Variants in THRAP3 observed in about 807,000 individuals in gnomAD.
THRAP3 encodes the protein thyroid hormone receptor-associated protein 3.
THRAP3 carries 16 observed loss-of-function variants against 101.0 expected under a neutral mutation model. That is an observed-to-expected ratio of 0.16 (90% CI 0.11 to 0.24). THRAP3 has a LOEUF of 0.24. Among genes scored for constraint, THRAP3 ranks in the 10% least tolerant of loss-of-function variants. The pLI is 1.00. For missense variants in THRAP3, 989 were observed against 1,202.7 expected (o/e 0.82, Z 2.63); for synonymous variants, 407 against 422.6 (o/e 0.96, Z 0.45).
intron 9 of THRAP3, 120 bp downstream of exon 9, chr1:36,296,890 C>A (rs1265730735): frequency 2.8e-6 from 2 of 725,650 alleles, no homozygotes; most frequent in East Asian, 6.2e-5. Flanking sequence ...CAACCTGTTT[C>A]TTCTTTTAAT....
At chr1:36,210,803 A>T in the THRAP3 span, among the ~76,000 whole-genome samples, 7 of 139,972 alleles carry the variant, frequency 5.0e-5, no homozygotes, top group Non-Finnish European at 1.1e-4. Context: ...TCCCAAATTT[A>T]TCTGTGCACT....
chr1:36,246,723 T>A (rs1218266857), intron 1 of THRAP3, among the ~76,000 whole-genome samples: 3 of 151,876 alleles, frequency 2.0e-5, no homozygotes, highest in African/African-American at 7.3e-5. Flanking sequence ...GCACTTGTAG[T>A]CCCAGCTGCT....
At chr1:36,246,488 G>A (rs1216395421) in intron 1 of THRAP3, among the ~76,000 whole-genome samples, 2 of 152,106 alleles carry the variant, frequency 1.3e-5, no homozygotes, top group Admixed American at 6.6e-5. Flanking sequence ...CCGCCTTGGC[G>A]TCCCAAGGTG....
rs773494314 is a variant in THRAP3 at position 36,289,576 on chromosome 1, G to A, written c.1557G>A (p.Lys519=). 6.2e-7 allele frequency: 1 copy of A among 1,614,020 alleles called. No homozygotes were observed. The highest frequency in any genetic ancestry group is 1.1e-5 in the South Asian group (1 of 91,072). Residue 519 remains lysine (K), a synonymous_variant, in exon 5 of 12, where the codon AAG becomes AAA. Coordinates refer to ENST00000354618, the MANE Select transcript of THRAP3 (RefSeq NM_005119.4). ...EGGHRGFVPE[K]NFRVTAYKAV... ...GGCACAGGGGCTTTGTGCCTGAGAA[G>A]AATTTCCGAGTGACTGCTTATAAAG...
rs755788689 is a variant in THRAP3, at chr1:36,286,674, G to A, written c.444G>A (p.Lys148=). 21 of 1,614,174 alleles carry A rather than the reference G, an allele frequency of 1.3e-5. No homozygotes were observed. The highest frequency in any genetic ancestry group is 1.6e-4 in the Middle Eastern group (1 of 6,062). Residue 148 remains lysine, a synonymous_variant, in exon 4 of 12, where the codon AAG becomes AAA. Transcript: ENST00000354618. The surrounding 1 kb of genome is among the most constrained non-coding windows in gnomAD (Gnocchi z 5.5). ...RSRSHSRNSD[K]SSSDRSRRSS... The stretch of plus-strand genomic sequence containing the variant: ...GGAGCCATTCTAGAAACTCTGATAA[G>A]TCGTCTTCTGACCGGTCAAGGCGCT...
rs1157219934 is a variant in THRAP3 at position 36,286,137 on chromosome 1, G to A, written c.138-231G>A. Among the ~76,000 whole-genome samples the A allele has an allele frequency of 2.6e-5, 4 of 152,184 alleles. No homozygotes were observed. The highest frequency in any genetic ancestry group is 4.4e-5 in the Non-Finnish European group (3 of 68,034). Reference sequence around the variant, plus strand: ...AGTACACCTCCATTTTAAATGTGCTGCAATATGAATGAAGTGACCTGTGTT... The same window carrying A: ...AGTACACCTCCATTTTAAATGTGCTACAATATGAATGAAGTGACCTGTGTT... On this transcript the variant is annotated intron_variant, in intron 3 of 11. Coordinates refer to ENST00000354618, the MANE Select transcript of THRAP3 (RefSeq NM_005119.4). The surrounding 1 kb of genome is among the most constrained non-coding windows in gnomAD (Gnocchi z 5.5).
chr1:36,224,027 G>A (rs1232727560), upstream of THRAP3, among the ~76,000 whole-genome samples: 3 of 152,206 alleles, frequency 2.0e-5, no homozygotes, highest in African/African-American at 7.2e-5. Flanking sequence ...AAGCGGAAGG[G>A]AGCGCAGCAG....
chr1:36,227,838 C>T (rs963692343), intron 1 of THRAP3, among the ~76,000 whole-genome samples: 1 of 152,024 alleles, frequency 6.6e-6, no homozygotes, highest in Non-Finnish European at 1.5e-5. Flanking sequence ...CAGAGTGATA[C>T]CTGGATTCGA....
intron 1 of THRAP3, among the ~76,000 whole-genome samples, chr1:36,229,777 C>T (rs937716816): frequency 1.3e-5 from 2 of 151,806 alleles, no homozygotes; most frequent in South Asian, 2.1e-4. Context: ...CTCAGCCTCC[C>T]GAGAAGCTGG....
At position 36,239,199 on chromosome 1, in the gene THRAP3, C is replaced by T. The variant is rs1032307712; in HGVS notation, c.-135+14694C>T. Among the ~76,000 whole-genome samples the T allele has an allele frequency of 2.7e-5, 4 of 150,598 alleles. No homozygotes were observed. The East Asian group carries it at 5.9e-4, about 22-fold the overall frequency. On this transcript the variant is annotated intron_variant, in intron 1 of 11. Coordinates refer to ENST00000354618, the MANE Select transcript of THRAP3 (RefSeq NM_005119.4). ...GATTACAGGTGTGAGCCACCATGCC[C>T]GGCCGTGTTTTTTTATTTTCTGTAG...
At chr1:36,225,372 C>T (rs913804953) in intron 1 of THRAP3, 1 of 152,122 alleles carries the variant, frequency 6.6e-6, no homozygotes, top group Non-Finnish European at 1.5e-5. Context: ...AACCAGTTGG[C>T]TTGGGTTTAA....
At chr1:36,274,084 A>AGTGTGT (rs1557437717) in intron 2 of THRAP3, among the ~76,000 whole-genome samples, 344 of 4,354 alleles carry the variant, frequency 0.079, 4 homozygotes, top group African/African-American at 0.1. Flanking sequence ...TGTCACACAC[A>AGTGTGT]CACACACACA....
Position 36,268,261 on chromosome 1 carries a change from G to A in THRAP3, c.-32+8777G>A, listed in dbSNP as rs1453706477. 2.0e-5 allele frequency among the ~76,000 whole-genome samples: 3 copies of A among 148,806 alleles called. No homozygotes were observed. The South Asian group carries it at 6.3e-4, about 31-fold the overall frequency. On this transcript the variant is annotated intron_variant, in intron 2 of 11. Coordinates refer to ENST00000354618, the MANE Select transcript of THRAP3 (RefSeq NM_005119.4). The stretch of plus-strand genomic sequence containing the variant: ...AGGTCAGCATCATTTTTTTTTTTCT[G>A]TGCAGTTTAGTATGAATTTTCTGAG...
At chr1:36,229,409 TTTGTTTTTTTTTTG>T (rs1645000100) in intron 1 of THRAP3, among the ~76,000 whole-genome samples, 1 of 18,720 alleles carries the variant, frequency 5.3e-5, no homozygotes. Flanking sequence ...AGTTTTTTTT[TTTGTTTTTTTTTTG>T]TTTTTTTTTT....
chr1:36,251,833 A>C (rs1341702306), intron 1 of THRAP3, among the ~76,000 whole-genome samples: 2 of 152,228 alleles, frequency 1.3e-5, no homozygotes, highest in African/African-American at 4.8e-5. Context: ...AAGTAGGAAC[A>C]GTTTTATAGA....
At chr1:36,241,385 GTATATATATATATATATATATATA>G (rs1166260923) in intron 1 of THRAP3, among the ~76,000 whole-genome samples, 301 of 8,654 alleles carry the variant, frequency 0.035, 10 homozygotes, top group African/African-American at 0.041. Flanking sequence ...GATAATGGGT[GTATATATATATATATATATATATA>G]TATATATATA....
At position 36,289,385 on chromosome 1, in the gene THRAP3, G is replaced by A. The variant is rs1298870783; in HGVS notation, c.1366G>A (p.Val456Ile). 1 of 1,614,050 alleles carries A rather than the reference G, an allele frequency of 6.2e-7. No homozygotes were observed. The highest frequency in any genetic ancestry group is 1.3e-5 in the African/African-American group (1 of 74,912). ...FDDEPKFMSK[V>I]IGANKNQEEE... ...TGATGAACCCAAATTTATGTCTAAA[G>A]TCATAGGTGCAAACAAAAACCAGGA... Residue 456 changes from valine (V) to isoleucine (I), a missense_variant, in exon 5 of 12, where the codon GTC becomes ATC. Val to Ile is a conservative substitution (Grantham distance 29, BLOSUM62 3). Coordinates refer to ENST00000354618, the MANE Select transcript of THRAP3 (RefSeq NM_005119.4).
At chr1:36,228,643 C>T (rs1644990085) in intron 1 of THRAP3, among the ~76,000 whole-genome samples, 2 of 152,180 alleles carry the variant, frequency 1.3e-5, no homozygotes, top group Non-Finnish European at 2.9e-5. Flanking sequence ...GCGTGAGCCA[C>T]CACGCACAGC....
intron 1 of THRAP3, among the ~76,000 whole-genome samples, chr1:36,236,743 T>A (rs539514574): frequency 6.6e-6 from 1 of 152,380 alleles, no homozygotes; most frequent in East Asian, 1.9e-4. Context: ...AATTAAACTC[T>A]ACCTCTCAGC....
Sources: allele counts gnomAD v4.1 joint callset (sites outside exome capture counted in the v4.1 genomes callset), GRCh38; gene constraint gnomAD v4.1.1; non-coding constraint Gnocchi (gnomAD v3.1); transcripts MANE v1.5; gene names NCBI Gene and HGNC (gene_info 2026-07-23, HGNC 2026-07-21).